Variants in GGTA1 observed in about 807,000 individuals in gnomAD.
GGTA1 encodes inactive N-acetyllactosaminide alpha-1,3-galactosyltransferase.
In GGTA1, 5 loss-of-function variants were observed where a neutral mutation model predicts 2.6. The observed-to-expected ratio is 1.92, with a 90% CI of 1.00 to 4.04. The LOEUF (loss-of-function observed/expected upper bound fraction) is 4.04. GGTA1 is among the 30% of genes most tolerant of loss of function. GGTA1 has a pLI of 0.00. For synonymous variants in GGTA1, 17 were observed against 5.0 expected (o/e 3.38, Z -3.19); for missense variants, 50 against 16.7 (o/e 2.99, Z -3.47).
At chr9:121,470,334 A>G (rs939548401) in intron 1 of GGTA1, among the ~76,000 whole-genome samples, 10 of 152,244 alleles carry the variant, frequency 6.6e-5, no homozygotes, top group African/African-American at 2.4e-4. Context: ...CTAAGCAGTC[A>G]GGTGGACAAT....
intron 1 of GGTA1, among the ~76,000 whole-genome samples, chr9:121,496,185 G>A (rs1351994263): frequency 6.6e-6 from 1 of 152,170 alleles, no homozygotes; most frequent in Non-Finnish European, 1.5e-5. Context: ...AGCTTTTGCT[G>A]CAGCCATGCT....
intron 1 of GGTA1, among the ~76,000 whole-genome samples, chr9:121,486,592 G>A (rs1344749445): frequency 2.0e-5 from 3 of 152,340 alleles, no homozygotes; most frequent in South Asian, 2.1e-4. Context: ...TGTTTTGTGC[G>A]GGTGGCACGC....
At chr9:121,480,062 T>TTTTCTTTTCTTTTC (rs984061619) in intron 1 of GGTA1, among the ~76,000 whole-genome samples, 37 of 79,012 alleles carry the variant, frequency 4.7e-4, no homozygotes, top group African/African-American at 1.3e-3. Flanking sequence ...TTTTCTTTTC[T>TTTTCTTTTCTTTTC]TTTTTTTTTT....
At chr9:121,466,830 G>A (rs2065008063) in intron 2 of GGTA1, among the ~76,000 whole-genome samples, 1 of 151,912 alleles carries the variant, frequency 6.6e-6, no homozygotes, top group African/African-American at 2.4e-5. Context: ...ATACACGCCT[G>A]TAATCACAGC....
intron 1 of GGTA1, among the ~76,000 whole-genome samples, chr9:121,498,267 G>T (rs1224302888): frequency 1.3e-5 from 2 of 152,174 alleles, no homozygotes; most frequent in Non-Finnish European, 2.9e-5. Context: ...CAATCCCTAG[G>T]GACTCGTTCA....
At chr9:121,462,027 C>T (rs1212678832) in intron 3 of GGTA1, among the ~76,000 whole-genome samples, 3 of 152,182 alleles carry the variant, frequency 2.0e-5, no homozygotes, top group Non-Finnish European at 4.4e-5. Flanking sequence ...TTGTGAAAGT[C>T]TCTTCAAGGT....
At chr9:121,492,922 T>A (rs1828900572) in intron 1 of GGTA1, among the ~76,000 whole-genome samples, 2 of 151,654 alleles carry the variant, frequency 1.3e-5, no homozygotes, top group Admixed American at 1.3e-4. Flanking sequence ...AGCAGGCAGA[T>A]CACTTGAGGT....
downstream of GGTA1, chr9:121,452,269 C>T (rs1048474243): frequency 2.6e-5 from 4 of 152,646 alleles, no homozygotes; most frequent in African/African-American, 9.7e-5. Context: ...CTGTCACAAC[C>T]TCTGGGTGTT....
intron 1 of GGTA1, among the ~76,000 whole-genome samples, chr9:121,499,025 G>A (rs1243528700): frequency 6.6e-6 from 1 of 151,872 alleles, no homozygotes; most frequent in Non-Finnish European, 1.5e-5. Context: ...GGAAACTCCC[G>A]CCTCCCATCG....
At chr9:121,456,629 T>A (rs1337455698) in intron 5 of GGTA1, among the ~76,000 whole-genome samples, 1 of 152,088 alleles carries the variant, frequency 6.6e-6, no homozygotes, top group East Asian at 1.9e-4. Context: ...TTGGTCAGGC[T>A]GGTCTCGAAC....
chr9:121,495,993 A>G (rs1287958882), intron 1 of GGTA1, among the ~76,000 whole-genome samples: 1 of 152,218 alleles, frequency 6.6e-6, no homozygotes, highest in Non-Finnish European at 1.5e-5. Context: ...ACATGGATGA[A>G]TTTGCCTGGC....
chr9:121,457,418 A>C (rs2064920616), intron 5 of GGTA1, among the ~76,000 whole-genome samples: 1 of 152,170 alleles, frequency 6.6e-6, no homozygotes, highest in African/African-American at 2.4e-5. Context: ...AATGGTGTAT[A>C]AGCCGGGCGT....
chr9:121,486,994 C>G (rs943358195), intron 1 of GGTA1, among the ~76,000 whole-genome samples: 5 of 152,176 alleles, frequency 3.3e-5, no homozygotes, highest in Non-Finnish European at 7.3e-5. Context: ...GAAGACCAGC[C>G]TGAGCCACCC....
At chr9:121,484,365 T>C (rs1828713524) in intron 1 of GGTA1, among the ~76,000 whole-genome samples, 1 of 152,194 alleles carries the variant, frequency 6.6e-6, no homozygotes, top group African/African-American at 2.4e-5. Context: ...CTCTGCATTT[T>C]TCTTTTTTTT....
At chr9:121,449,559 T>C (rs2064868023) in intron 7 of GGTA1, among the ~76,000 whole-genome samples, 2 of 152,078 alleles carry the variant, frequency 1.3e-5, no homozygotes, top group Admixed American at 6.6e-5. Flanking sequence ...CCATCTCCCA[T>C]TGCCGGGCAC....
At chr9:121,493,100 C>T (rs1195777102) in intron 1 of GGTA1, among the ~76,000 whole-genome samples, 1 of 151,792 alleles carries the variant, frequency 6.6e-6, no homozygotes, top group East Asian at 2.0e-4. Flanking sequence ...CGCCACTTCA[C>T]TCCAGCCTGG....
intron 1 of GGTA1, among the ~76,000 whole-genome samples, chr9:121,475,953 C>T (rs1828499974): frequency 1.3e-5 from 2 of 152,114 alleles, no homozygotes; most frequent in African/African-American, 4.8e-5. Context: ...AGGCCACTTA[C>T]TTTAACACTC....
chr9:121,472,712 G>A (rs1564654387), intron 1 of GGTA1, among the ~76,000 whole-genome samples: 1 of 152,248 alleles, frequency 6.6e-6, no homozygotes, highest in Non-Finnish European at 1.5e-5. Flanking sequence ...TATGTGTGCC[G>A]AGGAGGCAAC....
At chr9:121,486,436 G>C (rs371964330) in intron 1 of GGTA1, among the ~76,000 whole-genome samples, 1 of 152,232 alleles carries the variant, frequency 6.6e-6, no homozygotes, top group African/African-American at 2.4e-5. Flanking sequence ...GGTGTGCAGA[G>C]AGCACTAAGA....
Sources: allele counts gnomAD v4.1 joint callset (sites outside exome capture counted in the v4.1 genomes callset), GRCh38; gene constraint gnomAD v4.1.1; transcripts MANE v1.5; gene names NCBI Gene and HGNC (gene_info 2026-07-23, HGNC 2026-07-21).